BMPR1B: variants seen among roughly 807,000 people sequenced by gnomAD.
BMPR1B encodes bone morphogenetic protein receptor type-1B.
A neutral mutation model predicts 59.1 loss-of-function variants in BMPR1B; 12 were observed. The ratio of observed to expected loss-of-function variants is 0.20; its 90% CI spans 0.13 to 0.33. The LOEUF (loss-of-function observed/expected upper bound fraction) is 0.33, where lower values mean the gene tolerates loss of function less well. Ranked by LOEUF, BMPR1B falls within the 10% of genes least tolerant of loss-of-function variation. BMPR1B has a pLI of 1.00. For missense variants in BMPR1B, 550 were observed against 610.9 expected, an observed-to-expected ratio of 0.90 and a Z score of 1.05; for synonymous variants, 237 against 207.3, an observed-to-expected ratio of 1.14 and a Z score of -1.23.
chr4:94,806,134 A>T (rs1046197061), intron 1 of BMPR1B, among the ~76,000 whole-genome samples: 1 of 152,156 alleles, frequency 6.6e-6, no homozygotes, highest in South Asian at 2.1e-4. Context: ...TTAATTCAAG[A>T]CAGCTAGTCT....
chr4:95,048,554 G>A (rs1346665929), intron 3 of BMPR1B, among the ~76,000 whole-genome samples: 1 of 152,110 alleles, frequency 6.6e-6, no homozygotes, highest in Non-Finnish European at 1.5e-5. Flanking sequence ...TGATAGTGAT[G>A]TTGAACATTC....
intron 1 of BMPR1B, among the ~76,000 whole-genome samples, chr4:94,831,904 G>A (rs977228470): frequency 6.6e-6 from 1 of 152,160 alleles, no homozygotes; most frequent in Non-Finnish European, 1.5e-5. Context: ...TCTGGGTTGT[G>A]AGCTTCTTAT....
chr4:94,890,004 T>A (rs1052723104), intron 2 of BMPR1B, among the ~76,000 whole-genome samples: 4 of 152,074 alleles, frequency 2.6e-5, no homozygotes, highest in Middle Eastern at 3.4e-3. Flanking sequence ...GGCAGGCTGT[T>A]GAAATTTGTA....
chr4:94,868,996 G>A (rs1043362019), intron 1 of BMPR1B, among the ~76,000 whole-genome samples: 1 of 151,822 alleles, frequency 6.6e-6, no homozygotes, highest in Non-Finnish European at 1.5e-5. Flanking sequence ...GTGCTCTGAG[G>A]ACAGGGCTTA....
intron 2 of BMPR1B, among the ~76,000 whole-genome samples, chr4:94,918,683 A>T (rs796257760): frequency 2.4e-5 from 2 of 83,814 alleles, no homozygotes; most frequent in South Asian, 3.6e-4. Context: ...GACACTGTTT[A>T]AAAAAAAAAA....
At chr4:94,869,433 CA>C (rs1374176620) in intron 1 of BMPR1B, among the ~76,000 whole-genome samples, 1 of 152,088 alleles carries the variant, frequency 6.6e-6, no homozygotes, top group East Asian at 1.9e-4. Flanking sequence ...CTTAAATGAT[CA>C]AATGTAGTCT....
intron 2 of BMPR1B, among the ~76,000 whole-genome samples, chr4:94,907,339 A>C (rs1275939789): frequency 1.3e-5 from 2 of 152,094 alleles, no homozygotes; most frequent in East Asian, 3.9e-4. Context: ...TGCCTATAAC[A>C]GGTGAAAGGG....
chr4:94,866,140 C>T (rs1726229627), intron 1 of BMPR1B, among the ~76,000 whole-genome samples: 2 of 152,146 alleles, frequency 1.3e-5, no homozygotes. Flanking sequence ...TTCTGTTTAT[C>T]CCATATGTTA....
chr4:95,052,055 A>T lies in BMPR1B; in HGVS notation c.-17-52353A>T, dbSNP rs59779792. On this transcript the variant is annotated intron_variant, in intron 3 of 12. Coordinates refer to ENST00000515059, the MANE Select transcript of BMPR1B (RefSeq NM_001203.3). ...TTGGAACTTTAGGAAATTCATTCTC[A>T]ATATACTGTGACAGTTTATATGTGA... 0.057 allele frequency among the ~76,000 whole-genome samples: 8,653 copies of T among 152,314 alleles called. 511 individuals carry two copies. The highest frequency in any genetic ancestry group is 0.15 in the African/African-American group (6,208 of 41,538).
chr4:94,959,872 A>C (rs1418032509), intron 2 of BMPR1B, among the ~76,000 whole-genome samples: 5 of 152,158 alleles, frequency 3.3e-5, no homozygotes, highest in African/African-American at 1.2e-4. Context: ...ATCTCCTTAA[A>C]AGTAAAAAAT....
At chr4:94,885,896 G>A (rs1347825828) in intron 2 of BMPR1B, among the ~76,000 whole-genome samples, 9 of 152,292 alleles carry the variant, frequency 5.9e-5, no homozygotes, top group Non-Finnish European at 1.0e-4. Context: ...ACAGTGAAAG[G>A]ATGTACTTGG....
At chr4:94,875,373 T>G (rs1166048552) in intron 1 of BMPR1B, among the ~76,000 whole-genome samples, 2 of 152,172 alleles carry the variant, frequency 1.3e-5, no homozygotes, top group South Asian at 4.1e-4. Flanking sequence ...TTATTTTTAG[T>G]ACATCTTTTC....
intron 1 of BMPR1B, among the ~76,000 whole-genome samples, chr4:94,819,357 A>G (rs1724123987): frequency 6.6e-6 from 1 of 152,152 alleles, no homozygotes; most frequent in Non-Finnish European, 1.5e-5. Flanking sequence ...TGTGATACCA[A>G]TATAAGCAGC....
At chr4:94,916,354 A>C (rs1435821528) in intron 2 of BMPR1B, among the ~76,000 whole-genome samples, 2 of 152,210 alleles carry the variant, frequency 1.3e-5, no homozygotes, top group African/African-American at 2.4e-5. Flanking sequence ...AAATGCTGAT[A>C]GTGATATGTA....
intron 4 of BMPR1B, among the ~76,000 whole-genome samples, chr4:95,112,111 G>C (rs1338339892): frequency 6.6e-6 from 1 of 152,000 alleles, no homozygotes; most frequent in Non-Finnish European, 1.5e-5. Context: ...TACATCAATT[G>C]TCTTTTTATT....
intron 1 of BMPR1B, among the ~76,000 whole-genome samples, chr4:94,823,748 G>GTT (rs34501634): frequency 2.0e-5 from 3 of 149,362 alleles, no homozygotes; most frequent in Non-Finnish European, 3.0e-5. Flanking sequence ...TATCCTTTTG[G>GTT]TTTTTTTTTT....
intron 2 of BMPR1B, among the ~76,000 whole-genome samples, chr4:94,900,404 G>T (rs1336555147): frequency 6.6e-6 from 1 of 151,324 alleles, no homozygotes; most frequent in Non-Finnish European, 1.5e-5. Flanking sequence ...TAATCAGAGT[G>T]TTAAGTTCTG....
intron 2 of BMPR1B, among the ~76,000 whole-genome samples, chr4:94,879,869 A>G (rs1726889003): frequency 6.6e-6 from 1 of 152,212 alleles, no homozygotes; most frequent in Non-Finnish European, 1.5e-5. Flanking sequence ...TAAAAGAAAA[A>G]AACAATGTAT....
intron 3 of BMPR1B, among the ~76,000 whole-genome samples, chr4:95,001,375 A>G (rs568829695): frequency 1.5e-3 from 235 of 151,830 alleles, no homozygotes; most frequent in African/African-American, 5.3e-3. Context: ...ATTTCTTAAT[A>G]CCATCAAGTG....
Sources: gnomAD v4.1 joint callset for allele counts (sites outside exome capture counted in the v4.1 genomes callset) on GRCh38, gnomAD v4.1.1 for gene constraint, MANE v1.5 for transcripts, NCBI Gene and HGNC (gene_info 2026-07-23, HGNC 2026-07-21) for gene names.